The following BAZ2A variants were observed in gnomAD, a reference collection of about 807,000 sequenced individuals.
BAZ2A encodes the protein bromodomain adjacent to zinc finger domain 2A, also known as bromodomain adjacent to zinc finger domain protein 2A.
Under a neutral mutation model 199.9 loss-of-function variants are expected in BAZ2A, and 34 were observed. That is an observed-to-expected ratio of 0.17 (90% confidence interval 0.13 to 0.23). The LOEUF (loss-of-function observed/expected upper bound fraction) is 0.23, where lower values mean the gene tolerates loss of function less well. BAZ2A is among the 10% of genes least tolerant of loss of function. The pLI is 1.00. For synonymous variants in BAZ2A, 857 were observed against 883.9 expected, an observed-to-expected ratio of 0.97 and a Z score of 0.54; for missense variants, 2,002 against 2,391.1, an observed-to-expected ratio of 0.84 and a Z score of 3.39.
chr12:56,636,855 T>C (rs1372158224), upstream of BAZ2A: 2 of 152,710 alleles, frequency 1.3e-5, no homozygotes, highest in Non-Finnish European at 2.9e-5. Flanking sequence ...TCTGTCCAGA[T>C]CATGACACAG....
Position 56,599,160 on chromosome 12 carries a change from G to A in BAZ2A, c.5371C>T (p.Arg1791Trp), listed in dbSNP as rs764067035. 2.1e-5 allele frequency: 34 copies of A among 1,612,234 alleles called. No individual in the cohort carries two copies. The highest frequency in any genetic ancestry group is 2.7e-5 in the Non-Finnish European group (32 of 1,179,390). ...SPSKRRRLSM[R>W]NHHSDLTFCE... ...AATGTGAGATCACTGTGGTGGTTCC[G>A]CATAGAGAGTCGCCGCCGCTTGGAG... The change falls in exon 27 of 29, where the codon CGG becomes TGG. Residue 1791 changes from arginine (R) to tryptophan (W), a missense_variant. Around this residue, in one of 6 missense-constraint regions of BAZ2A, gnomAD observed 122 missense variants for 123.0 expected, o/e 0.99. Coordinates refer to ENST00000549884, the MANE Select transcript of BAZ2A (RefSeq NM_001300905.2).
chr12:56,615,519 G>A lies in BAZ2A; in HGVS notation c.225C>T (p.Ser75=), dbSNP rs371509301. Reference sequence around the variant, plus strand: ...TGGGGTGATGGAGGTGTGAGGTGCTGGAGGAGTGGGGAGCAGAGTTCAAAA... The same window carrying A: ...TGGGGTGATGGAGGTGTGAGGTGCTAGAGGAGTGGGGAGCAGAGTTCAAAA... The part of the protein sequence containing the change: ...SGILNSAPHS[S]STSHLHHPSV... Residue 75 remains serine (S), a synonymous_variant, in exon 3 of 29, where the codon TCC becomes TCT. Coordinates refer to ENST00000549884, the MANE Select transcript of BAZ2A (RefSeq NM_001300905.2). The A allele has an allele frequency of 5.0e-6, 8 of 1,613,326 alleles. No homozygotes were observed. In the African/African-American group the frequency reaches 8.0e-5, roughly 16 times the overall value.
chr12:56,635,305 C>A (rs1223426026), upstream of BAZ2A, among the ~76,000 whole-genome samples: 1 of 151,176 alleles, frequency 6.6e-6, no homozygotes. This position sits in a 1 kb window ranked among gnomAD's most constrained non-coding sequence, Gnocchi z 4.1. Flanking sequence ...TCCCAGGGCA[C>A]CAGCAAAGAC....
rs1950290037 is a variant in BAZ2A, at chr12:56,604,734, G to A, written c.2814C>T (p.Ile938=). The change falls in exon 15 of 29, where the codon ATC becomes ATT. Residue 938 remains isoleucine (I), a synonymous_variant. Transcript: ENST00000549884. ...IPLTRDNVSE[I]LRCFLMAYGV... ...CATATGCCATAAGGAAGCAGCGCAG[G>A]ATCTCTGACACATTGTCTCTTGTCA... The A allele has an allele frequency of 6.2e-7, 1 of 1,613,880 alleles. No homozygotes were observed. Among genetic ancestry groups the A allele is most frequent in the Non-Finnish European group, 8.5e-7 (1 of 1,179,848 alleles).
At position 56,601,188 on chromosome 12, in the gene BAZ2A, A is replaced by T. The variant is rs768257619; in HGVS notation, c.4286T>A (p.Val1429Asp). 6.2e-7 allele frequency: 1 copy of T among 1,614,072 alleles called. No homozygotes were observed. The highest frequency in any genetic ancestry group is 1.1e-5 in the South Asian group (1 of 91,092). The stretch of plus-strand genomic sequence containing the variant: ...ACTCCAAGGTCACTCACCAGGTGGG[A>T]CAGGCTGGGCTGTCAGCTGGGTTAG... ...RYLTQLTAQP[V>D]PPEMCSGWWW... The change falls in exon 21 of 29, where the codon GTC becomes GAC. Residue 1429 changes from valine (V) to aspartate (D), a missense_variant. Val to Asp is a radical substitution (Grantham distance 152, BLOSUM62 -3). Coordinates refer to ENST00000549884, the MANE Select transcript of BAZ2A (RefSeq NM_001300905.2).
intron 1 of BAZ2A, chr12:56,621,304 C>T (rs1950913779): frequency 2.1e-6 from 2 of 955,748 alleles, no homozygotes; most frequent in Non-Finnish European, 2.5e-6. Context: ...AACAACATGT[C>T]GATGGCTCAC....
chr12:56,607,420 G>A (rs898537529), intron 10 of BAZ2A, among the ~76,000 whole-genome samples: 2 of 152,178 alleles, frequency 1.3e-5, no homozygotes, highest in East Asian at 1.9e-4. Context: ...CGCCCAGGCT[G>A]AAGTGCAATG....
At position 56,598,392 on chromosome 12, in the gene BAZ2A, C is replaced by A; in HGVS notation, c.*226G>T. 4 of 476,172 alleles carry A rather than the reference C, an allele frequency of 8.4e-6. No homozygotes were observed. Among genetic ancestry groups the A allele is most frequent in the South Asian group, 9.2e-5 (2 of 21,710 alleles). The allele number at this position is 476,172 out of a possible 1,614,324, so 29.5% of individuals were successfully genotyped here. A position where few individuals can be genotyped will look rare whatever the true frequency, so the allele number is the denominator to read the frequency against. ...TTCTTTCTTTTTTTGGCTTTTAGTC[C>A]AGAAGGACCTCATCTCTGCACCTCT... On this transcript the variant is annotated 3_prime_UTR_variant, in exon 29 of 29. Coordinates refer to ENST00000549884, the MANE Select transcript of BAZ2A (RefSeq NM_001300905.2).
At chr12:56,609,120 C>T (rs865844722) in intron 10 of BAZ2A, among the ~76,000 whole-genome samples, 3 of 151,898 alleles carry the variant, frequency 2.0e-5, no homozygotes, top group African/African-American at 7.3e-5. Flanking sequence ...CCTCACGATC[C>T]GCCCGCCTTG....
At chr12:56,605,423 A>G in intron 13 of BAZ2A, 96 bp from the exon 14 acceptor site, 8 of 1,066,702 alleles carry the variant, frequency 7.5e-6, no homozygotes, top group Non-Finnish European at 1.0e-5. Context: ...TTTTTATGTA[A>G]TTTTTTTTTT....
Position 56,599,019 on chromosome 12 carries a change from T to C in BAZ2A, c.5403-8A>G, listed in dbSNP as rs757022112. 1.9e-6 allele frequency: 3 copies of C among 1,610,640 alleles called. No homozygotes were observed. Among genetic ancestry groups the C allele is most frequent in the Admixed American group, 3.4e-5 (2 of 59,554 alleles). On this transcript the variant is annotated splice_region_variant and splice_polypyrimidine_tract_variant and intron_variant, in intron 27 of 28. Coordinates refer to ENST00000549884, the MANE Select transcript of BAZ2A (RefSeq NM_001300905.2). ...ATCTCCATCAGGATAATCCTATCATTAGAGGGACAATGATGGCTCCATCTC... is the reference window on the plus strand; with the variant it reads ...ATCTCCATCAGGATAATCCTATCATCAGAGGGACAATGATGGCTCCATCTC...
chr12:56,603,769 T>G (rs1178269203), intron 16 of BAZ2A, 69 bp from the exon 17 acceptor site: 31 of 1,564,364 alleles, frequency 2.0e-5, no homozygotes, highest in Non-Finnish European at 2.6e-5. Context: ...TTCCAGCACT[T>G]TGGGAGGCCA....
intron 1 of BAZ2A, 54 bp downstream of exon 1, chr12:56,630,071 G>A (rs1288083376): frequency 2.1e-6 from 2 of 937,652 alleles, no homozygotes; most frequent in African/African-American, 1.8e-5. Context: ...GGGAAGCCTC[G>A]GATGAAAGCG....
At position 56,624,616 on chromosome 12, in the gene BAZ2A, C is replaced by CAAA. The variant is rs67249064; in HGVS notation, c.-3+5506_-3+5508dup. Among the ~76,000 whole-genome samples the CAAA allele has an allele frequency of 2.3e-3, 134 of 59,424 alleles. 3 individuals are homozygous for CAAA. The South Asian group carries it at 0.037, about 17-fold the overall frequency. 39.0% of individuals were successfully genotyped at this position (59,424 alleles called of 152,430 possible). ...CTTTGCTCTTACTATTTTCAGAGAA[C>CAAA]AAAAAAAAAAAAAAAAAACTCAGCT... is the stretch of plus-strand genomic sequence containing the variant. On this transcript the variant is annotated intron_variant, in intron 1 of 28. Coordinates refer to ENST00000549884, the MANE Select transcript of BAZ2A (RefSeq NM_001300905.2).
At position 56,615,299 on chromosome 12, in the gene BAZ2A, C is replaced by G; in HGVS notation, c.445G>C (p.Ala149Pro). 2 of 1,613,852 alleles carry G rather than the reference C, an allele frequency of 1.2e-6. No homozygotes were observed. Among genetic ancestry groups the G allele is most frequent in the Non-Finnish European group, 1.7e-6 (2 of 1,179,864 alleles). ...NLRAGSQEFW[A>P]NGTQSPMGLN... Reference sequence around the variant, plus strand: ...CCCATGGGACTCTGGGTACCGTTGGCCCAGAACTCTTGGCTCCCAGCCCGA... The same window carrying G: ...CCCATGGGACTCTGGGTACCGTTGGGCCAGAACTCTTGGCTCCCAGCCCGA... The change falls in exon 3 of 29, where the codon GCC becomes CCC. Residue 149 changes from alanine to proline, a missense_variant. Ala to Pro is a conservative substitution (Grantham distance 27). Transcript: ENST00000549884.
intron 26 of BAZ2A, 145 bp from the exon 27 acceptor site, chr12:56,599,503 A>T (rs1886204671): frequency 8.3e-7 from 1 of 1,208,640 alleles, no homozygotes; most frequent in Non-Finnish European, 1.1e-6. Context: ...CCAATGAAGT[A>T]GGTAAAAGGG....
chr12:56,611,708 C>T lies in BAZ2A; in HGVS notation c.1609+65G>A, dbSNP rs938820704. The T allele has an allele frequency of 2.6e-6, 4 of 1,535,056 alleles. No individual in the cohort carries two copies. The African/African-American group carries it at 5.5e-5, about 21-fold the overall frequency. On this transcript the variant is annotated intron_variant, in intron 6 of 28. Transcript: ENST00000549884. ...CAATAGGCCAATAGGGAAAGGCTAA[C>T]TACAACATGGGACAGAAAAGTTTCT... is the stretch of plus-strand genomic sequence containing the variant.
In BAZ2A at chr12:56,615,371, G is replaced by A. The variant is rs1950684812; in HGVS notation, c.373C>T (p.Leu125Phe). 6.2e-7 allele frequency: 1 copy of A among 1,613,510 alleles called. No homozygotes were observed. The highest frequency in any genetic ancestry group is 1.3e-5 in the African/African-American group (1 of 74,878). ...GATGAAGGTTGCCGGCTGCCCCCAAGGATGCCGTTGAGTGGGTATTGTCCC... is the reference window on the plus strand; with the variant it reads ...GATGAAGGTTGCCGGCTGCCCCCAAAGATGCCGTTGAGTGGGTATTGTCCC... Reference protein sequence around the residue: ...SGGQYPLNGILGGSRQPSSPS... With the variant: ...SGGQYPLNGIFGGSRQPSSPS... The change falls in exon 3 of 29, where the codon CTT becomes TTT. Residue 125 changes from leucine to phenylalanine, a missense_variant. Leu to Phe is a conservative substitution (Grantham distance 22). Around this residue, in one of 6 missense-constraint regions of BAZ2A, gnomAD observed 641 missense variants for 694.5 expected, o/e 0.92. Transcript: ENST00000549884.
chr12:56,629,079 T>C (rs1951204874), intron 1 of BAZ2A, among the ~76,000 whole-genome samples: 1 of 149,740 alleles, frequency 6.7e-6, no homozygotes. Context: ...GTTGGCAAGA[T>C]CCAAGCTTGC....
Sources: gnomAD v4.1 joint callset for allele counts (sites outside exome capture counted in the v4.1 genomes callset) on GRCh38, gnomAD v4.1.1 for gene constraint, gnomAD v4.1.1 regional missense constraint, Gnocchi (gnomAD v3.1) non-coding constraint, MANE v1.5 for transcripts, NCBI Gene and HGNC (gene_info 2026-07-23, HGNC 2026-07-21) for gene names.